Variants in ARHGAP10 observed in about 807,000 individuals in gnomAD.
The protein encoded by ARHGAP10 is rho GTPase-activating protein 10.
Under a neutral mutation model 108.6 loss-of-function variants are expected in ARHGAP10, and 87 were observed. That is an observed-to-expected ratio of 0.80 (90% CI 0.67 to 0.96). The LOEUF (loss-of-function observed/expected upper bound fraction) is 0.96, where lower values mean the gene tolerates loss of function less well. Among genes scored for constraint, ARHGAP10 ranks in the 40% least tolerant of loss-of-function variants. The probability of loss-of-function intolerance (pLI) is 0.00; values close to 1 mark genes in which losing one functional copy is unlikely to be tolerated. For synonymous variants in ARHGAP10, 347 were observed against 341.1 expected, an observed-to-expected ratio of 1.02 and a Z score of -0.19; for missense variants, 939 against 954.5, an observed-to-expected ratio of 0.98 and a Z score of 0.21.
intron 10 of ARHGAP10, among the ~76,000 whole-genome samples, chr4:147,897,355 G>A (rs1353106122): frequency 2.0e-5 from 3 of 151,778 alleles, no homozygotes; most frequent in Non-Finnish European, 4.4e-5. Context: ...TTCCTTCCTT[G>A]GCTTCCTAAA....
intron 13 of ARHGAP10, among the ~76,000 whole-genome samples, chr4:147,919,971 G>A (rs1412703113): frequency 2.0e-5 from 3 of 152,100 alleles, no homozygotes; most frequent in Non-Finnish European, 2.9e-5. Flanking sequence ...TTAAATTTCC[G>A]CAGATGATTC....
chr4:147,840,536 G>A (rs1733370662), intron 3 of ARHGAP10, among the ~76,000 whole-genome samples: 1 of 152,160 alleles, frequency 6.6e-6, no homozygotes, highest in Non-Finnish European at 1.5e-5. Context: ...TCTAACGGGG[G>A]ATGCAGTCGA....
chr4:147,973,365 C>G (rs1367726011), intron 18 of ARHGAP10, among the ~76,000 whole-genome samples: 1 of 151,984 alleles, frequency 6.6e-6, no homozygotes, highest in East Asian at 1.9e-4. Context: ...GTCACTGAGT[C>G]TGTGTAGATT....
chr4:147,822,650 A>G lies in ARHGAP10; in HGVS notation c.155-77A>G, dbSNP rs1284079535. 4.8e-6 allele frequency: 7 copies of G among 1,444,460 alleles called. No individual in the cohort carries two copies. In the African/African-American group the frequency reaches 5.6e-5, roughly 12 times the overall value. 89.5% of individuals were successfully genotyped at this position (1,444,460 alleles called of 1,614,324 possible). A position where few individuals can be genotyped will look rare whatever the true frequency, so the allele number is the denominator to read the frequency against. On this transcript the variant is annotated intron_variant, in intron 1 of 22. Coordinates refer to ENST00000336498, the MANE Select transcript of ARHGAP10 (RefSeq NM_024605.4). Reference sequence around the variant, plus strand: ...GGAGGAGAGCTCTACAGCTTTACCAATTTTAGGAAGAATAAATTTCTTTTA... The same window carrying G: ...GGAGGAGAGCTCTACAGCTTTACCAGTTTTAGGAAGAATAAATTTCTTTTA...
At chr4:147,791,546 G>A (rs141509768) in intron 1 of ARHGAP10, among the ~76,000 whole-genome samples, 1,840 of 151,886 alleles carry the variant, frequency 0.012, 28 homozygotes, top group South Asian at 0.037. Context: ...GCGCGCGTGC[G>A]TGCGCGCGTG....
intron 1 of ARHGAP10, among the ~76,000 whole-genome samples, chr4:147,756,730 G>C (rs1729386613): frequency 6.6e-6 from 1 of 152,070 alleles, no homozygotes. Flanking sequence ...CATTCACTGG[G>C]GATCTTGGAA....
At chr4:147,872,122 C>T (rs1187795389) in intron 7 of ARHGAP10, among the ~76,000 whole-genome samples, 1 of 141,144 alleles carries the variant, frequency 7.1e-6, no homozygotes, top group Admixed American at 6.9e-5. Context: ...AAAAAAAAAG[C>T]CTTCCATTCC....
intron 18 of ARHGAP10, among the ~76,000 whole-genome samples, chr4:147,974,142 C>T (rs1157463888): frequency 6.6e-6 from 1 of 152,070 alleles, no homozygotes; most frequent in Non-Finnish European, 1.5e-5. Flanking sequence ...TACATTCCCA[C>T]CAAGAGTGTA....
At chr4:148,054,339 T>G (rs1204033592) in intron 20 of ARHGAP10, among the ~76,000 whole-genome samples, 3 of 152,232 alleles carry the variant, frequency 2.0e-5, no homozygotes, top group African/African-American at 7.2e-5. Flanking sequence ...CTTAGCAAGA[T>G]TATCTGTAAA....
At chr4:147,902,494 G>A (rs55650760) in intron 10 of ARHGAP10, among the ~76,000 whole-genome samples, 106,453 of 152,086 alleles carry the variant, frequency 0.7, 43,461 homozygotes, top group Non-Finnish European at 0.91. Flanking sequence ...TTAGGAGGCC[G>A]AGGTGGGCCG....
chr4:148,000,911 G>A (rs1346203302), intron 18 of ARHGAP10, among the ~76,000 whole-genome samples: 1 of 152,142 alleles, frequency 6.6e-6, no homozygotes, highest in Non-Finnish European at 1.5e-5. Context: ...CTTTTGCTGT[G>A]CAGAAGCTCT....
At chr4:147,738,382 T>C (rs967624672) in intron 1 of ARHGAP10, among the ~76,000 whole-genome samples, 3 of 152,178 alleles carry the variant, frequency 2.0e-5, no homozygotes, top group Admixed American at 2.0e-4. Flanking sequence ...AAACCCCATC[T>C]CTACTAAAAA....
chr4:147,886,664 C>G (rs1158889134), intron 10 of ARHGAP10, among the ~76,000 whole-genome samples: 2 of 152,184 alleles, frequency 1.3e-5, no homozygotes, highest in Non-Finnish European at 2.9e-5. Context: ...TTCTCTCTTT[C>G]TAGAGAAGCA....
chr4:147,958,134 T>A (rs1049347955), intron 16 of ARHGAP10, among the ~76,000 whole-genome samples: 1 of 152,210 alleles, frequency 6.6e-6, no homozygotes, highest in Non-Finnish European at 1.5e-5. Context: ...GGCATCTAGC[T>A]GGATGTCTTA....
At chr4:147,771,998 G>A (rs1730103257) in intron 1 of ARHGAP10, among the ~76,000 whole-genome samples, 1 of 152,148 alleles carries the variant, frequency 6.6e-6, no homozygotes, top group Non-Finnish European at 1.5e-5. Flanking sequence ...CACCATGTTG[G>A]GCAGGATGGT....
chr4:147,866,368 G>A lies in ARHGAP10; in HGVS notation c.598-344G>A, dbSNP rs79370438. On this transcript the variant is annotated intron_variant, in intron 6 of 22. Transcript: ENST00000336498. ...GATTCTGTGATTTTACTTTCTTAAA[G>A]ATTGTGTCAACCTATAGTGATAAGA... 3.5e-3 allele frequency: 607 copies of A among 172,856 alleles called. 1 individual carries two copies. The highest frequency in any genetic ancestry group is 5.5e-3 in the Non-Finnish European group (448 of 82,030). 10.7% of individuals were successfully genotyped at this position (172,856 alleles called of 1,614,324 possible).
Position 147,822,755 on chromosome 4 carries a change from T to C in ARHGAP10, c.183T>C (p.Ala61=). ...KSLSVAQRKF[A]HSLRDFKFEF... is the part of the protein sequence containing the mutation. ...TGTCAGTGGCCCAGCGGAAGTTTGCTCATTCACTCAGAGACTTTAAGTTTG... is the reference window on the plus strand; with the variant it reads ...TGTCAGTGGCCCAGCGGAAGTTTGCCCATTCACTCAGAGACTTTAAGTTTG... Residue 61 remains alanine, a synonymous_variant, in exon 2 of 23, where the codon GCT becomes GCC. Transcript: ENST00000336498. The C allele has an allele frequency of 6.2e-7, 1 of 1,614,238 alleles. No homozygotes were observed. Among genetic ancestry groups the C allele is most frequent in the East Asian group, 2.2e-5 (1 of 44,892 alleles).
At chr4:147,982,613 C>A (rs1739861106) in intron 18 of ARHGAP10, among the ~76,000 whole-genome samples, 1 of 138,646 alleles carries the variant, frequency 7.2e-6, no homozygotes, top group East Asian at 2.2e-4. Flanking sequence ...GTTGCCCAGG[C>A]TGGTCTCGAA....
At chr4:147,817,704 G>A (rs1477872029) in intron 1 of ARHGAP10, among the ~76,000 whole-genome samples, 2 of 152,306 alleles carry the variant, frequency 1.3e-5, no homozygotes, top group Admixed American at 1.3e-4. Flanking sequence ...CTCTGAAGTG[G>A]CAAGTTCATT....
Sources: gnomAD v4.1 joint callset for allele counts (sites outside exome capture counted in the v4.1 genomes callset) on GRCh38, gnomAD v4.1.1 for gene constraint, MANE v1.5 for transcripts, NCBI Gene and HGNC (gene_info 2026-07-23, HGNC 2026-07-21) for gene names.